WWC2: variants seen among roughly 807,000 people sequenced by gnomAD.
WWC2 encodes WW and C2 domain containing 2.
In WWC2, 101 loss-of-function variants were observed where a neutral mutation model predicts 138.5. That is an observed-to-expected ratio of 0.73 (90% CI 0.62 to 0.86). WWC2 has a LOEUF of 0.86. Among genes scored for constraint, WWC2 ranks in the 40% least tolerant of loss-of-function variants. WWC2 has a pLI of 0.00. For missense variants in WWC2, 1,420 were observed against 1,419.4 expected (o/e 1.00, Z -0.01); for synonymous variants, 558 against 538.4 (o/e 1.04, Z -0.50).
intron 4 of WWC2, among the ~76,000 whole-genome samples, chr4:183,221,656 C>G (rs568287529): frequency 2.8e-4 from 42 of 152,108 alleles, no homozygotes; most frequent in African/African-American, 9.4e-4. Context: ...AATTCATTGG[C>G]CAAAGAAGAG....
At chr4:183,173,229 T>G (rs999012080) in intron 1 of WWC2, among the ~76,000 whole-genome samples, 2 of 152,034 alleles carry the variant, frequency 1.3e-5, no homozygotes, top group Admixed American at 1.3e-4. Flanking sequence ...ATTTCTTTGT[T>G]TTTGTAGAGG....
chr4:183,158,802 G>A (rs771027917), intron 1 of WWC2, among the ~76,000 whole-genome samples: 7 of 152,064 alleles, frequency 4.6e-5, no homozygotes, highest in Admixed American at 1.3e-4. Flanking sequence ...ACTTTACCTC[G>A]GAAAAGATGG....
chr4:183,181,386 A>G (rs1734629835), intron 1 of WWC2, among the ~76,000 whole-genome samples: 1 of 149,774 alleles, frequency 6.7e-6, no homozygotes. Context: ...AGAAGTGGAG[A>G]AAAGTAATGA....
chr4:183,245,995 G>C (rs979828591), intron 6 of WWC2, among the ~76,000 whole-genome samples: 21 of 152,308 alleles, frequency 1.4e-4, no homozygotes, highest in African/African-American at 4.1e-4. Flanking sequence ...TTCCGACCCA[G>C]TTGATTCTGG....
intron 2 of WWC2, among the ~76,000 whole-genome samples, chr4:183,207,500 G>A (rs189356872): frequency 2.0e-5 from 3 of 152,208 alleles, no homozygotes; most frequent in Non-Finnish European, 2.9e-5. Flanking sequence ...TTACTGTTGC[G>A]GACATAAAAC....
chr4:183,170,395 T>G (rs1561446618), intron 1 of WWC2, among the ~76,000 whole-genome samples: 1 of 152,192 alleles, frequency 6.6e-6, no homozygotes, highest in South Asian at 2.1e-4. Flanking sequence ...AGGGGCTTCC[T>G]TGGACAAACT....
intron 1 of WWC2, among the ~76,000 whole-genome samples, chr4:183,107,776 T>A (rs1199962224): frequency 6.6e-6 from 1 of 152,078 alleles, no homozygotes; most frequent in Non-Finnish European, 1.5e-5. Context: ...CAGTTTTTAT[T>A]GTATCAACCA....
chr4:183,172,761 A>G lies in WWC2; in HGVS notation c.132-20838A>G, dbSNP rs186050112. Among the ~76,000 whole-genome samples the G allele has an allele frequency of 4.4e-4, 67 of 150,884 alleles. 1 individual carries two copies. In the East Asian group the frequency reaches 0.01, roughly 23 times the overall value. On this transcript the variant is annotated intron_variant, in intron 1 of 22. Coordinates refer to ENST00000403733, the MANE Select transcript of WWC2 (RefSeq NM_024949.6). ...TGTCATTCAGATTCAGTTTAGGGAA[A>G]TTTTCTTGCACTAGTATTTTGATAA...
intron 4 of WWC2, among the ~76,000 whole-genome samples, chr4:183,220,158 G>A (rs970361915): frequency 6.6e-6 from 1 of 152,194 alleles, no homozygotes; most frequent in African/African-American, 2.4e-5. Flanking sequence ...GGAACTGAAT[G>A]CTGCCAAAAG....
At chr4:183,198,662 G>C (rs1735215707) in intron 2 of WWC2, among the ~76,000 whole-genome samples, 1 of 151,576 alleles carries the variant, frequency 6.6e-6, no homozygotes, top group South Asian at 2.1e-4. Context: ...ATATAGTCAA[G>C]ATTCTTTGAA....
rs202029806 is a variant in WWC2 at position 183,265,007 on chromosome 4, G to A, written c.1939G>A (p.Val647Met). Residue 647 changes from valine to methionine, a missense_variant, in exon 12 of 23, where the codon GTG (valine) becomes ATG (methionine). By Grantham distance (21) the Val-to-Met change is conservative. Coordinates refer to ENST00000403733, the MANE Select transcript of WWC2 (RefSeq NM_024949.6). ...DVEKSLPKRR[V>M]IHLLGEKTTC... Reference sequence around the variant, plus strand: ...GGAAAAATCATTACCAAAAAGAAGAGTGATCCACTTGCTTGGGGAGAAAAC... The same window carrying A: ...GGAAAAATCATTACCAAAAAGAAGAATGATCCACTTGCTTGGGGAGAAAAC... The A allele has an allele frequency of 8.6e-5, 138 of 1,612,962 alleles. No individual in the cohort carries two copies. The highest frequency in any genetic ancestry group is 1.2e-4 in the Non-Finnish European group (137 of 1,179,430).
chr4:183,157,701 C>G (rs925432015), intron 1 of WWC2, among the ~76,000 whole-genome samples: 2 of 152,098 alleles, frequency 1.3e-5, no homozygotes, highest in Non-Finnish European at 2.9e-5. Flanking sequence ...AGGGGTTTCA[C>G]CGTGTTAGCC....
chr4:183,269,563 A>C, intron 15 of WWC2: 1 of 468,528 alleles, frequency 2.1e-6, no homozygotes, highest in South Asian at 1.6e-5. Flanking sequence ...TATGAAATGG[A>C]TGATTATCCA....
intron 1 of WWC2, among the ~76,000 whole-genome samples, chr4:183,183,276 C>T (rs1734692556): frequency 6.6e-6 from 1 of 152,166 alleles, no homozygotes; most frequent in African/African-American, 2.4e-5. Flanking sequence ...ACCTATCACC[C>T]ATCACCTATC....
At chr4:183,202,390 G>C (rs935995219) in intron 2 of WWC2, among the ~76,000 whole-genome samples, 21 of 152,014 alleles carry the variant, frequency 1.4e-4, no homozygotes, top group African/African-American at 5.1e-4. Context: ...AGACATCAAA[G>C]CATCATAAAA....
At chr4:183,300,924 G>C (rs1007218636) in intron 21 of WWC2, among the ~76,000 whole-genome samples, 1 of 152,062 alleles carries the variant, frequency 6.6e-6, no homozygotes, top group Non-Finnish European at 1.5e-5. Flanking sequence ...GGCAAAGACG[G>C]AACAGGATCC....
intron 4 of WWC2, among the ~76,000 whole-genome samples, chr4:183,220,632 A>G (rs541929418): frequency 1.2e-4 from 18 of 152,070 alleles, no homozygotes; most frequent in South Asian, 2.1e-4. Flanking sequence ...CAGGAGATTG[A>G]GACCATCCTG....
chr4:183,132,957 A>G (rs1393613154), intron 1 of WWC2, among the ~76,000 whole-genome samples: 2 of 145,512 alleles, frequency 1.4e-5, no homozygotes, highest in Admixed American at 1.3e-4. Flanking sequence ...CCTGTTCCCA[A>G]ATTTAAAATG....
chr4:183,256,626 A>G (rs1737151422), intron 9 of WWC2, among the ~76,000 whole-genome samples: 1 of 151,930 alleles, frequency 6.6e-6, no homozygotes, highest in South Asian at 2.1e-4. Context: ...GGGAAGTAGG[A>G]TTTGCTGTGT....
Sources: allele counts gnomAD v4.1 joint callset (sites outside exome capture counted in the v4.1 genomes callset), GRCh38; gene constraint gnomAD v4.1.1; transcripts MANE v1.5; gene names NCBI Gene and HGNC (gene_info 2026-07-23, HGNC 2026-07-21).